SIAH2: variants seen among roughly 807,000 people sequenced by gnomAD.
SIAH2 encodes the protein E3 ubiquitin-protein ligase SIAH2.
A neutral mutation model predicts 20.4 loss-of-function variants in SIAH2; 4 were observed. That is an observed-to-expected ratio of 0.20 (90% CI 0.10 to 0.45). SIAH2 has a LOEUF of 0.45. SIAH2 is among the 20% of genes least tolerant of loss of function. The probability of loss-of-function intolerance (pLI) is 0.99; values close to 1 mark genes in which losing one functional copy is unlikely to be tolerated. For missense variants in SIAH2, 259 were observed against 440.3 expected, an observed-to-expected ratio of 0.59 and a Z score of 3.69; for synonymous variants, 171 against 192.5, an observed-to-expected ratio of 0.89 and a Z score of 0.93.
chr3:150,760,155 C>T (rs1332708102), intron 1 of SIAH2, among the ~76,000 whole-genome samples: 2 of 152,194 alleles, frequency 1.3e-5, no homozygotes, highest in South Asian at 2.1e-4. Flanking sequence ...CCTATGTATA[C>T]ATTCAAGTTT....
At chr3:150,749,341 A>C (rs1002067421) in intron 1 of SIAH2, among the ~76,000 whole-genome samples, 1 of 151,650 alleles carries the variant, frequency 6.6e-6, no homozygotes, top group Admixed American at 6.6e-5. Context: ...CTCTATAAAA[A>C]GTTAAAAAAA....
rs1214338410 is a variant in SIAH2 at position 150,762,496 on chromosome 3, C to T, written c.354G>A (p.Leu118=). ...TAGCCAGGTTCCTGATGCTGGGCGTCAGGGCGCCCCTGCACGTCGGGCAGC... is the reference window on the plus strand; with the variant it reads ...TAGCCAGGTTCCTGATGCTGGGCGTTAGGGCGCCCCTGCACGTCGGGCAGC... ...LSCCPTCRGA[L]TPSIRNLAME... Residue 118 remains leucine (L), a synonymous_variant, in exon 1 of 2, where the codon CTG becomes CTA. Transcript: ENST00000312960. This position sits in a 1 kb window ranked among gnomAD's most constrained non-coding sequence, Gnocchi z 6.6. 3 of 1,613,626 alleles carry T rather than the reference C, an allele frequency of 1.9e-6. No individual in the cohort carries two copies. In the Admixed American group the frequency reaches 5.0e-5, roughly 27 times the overall value.
intron 1 of SIAH2, among the ~76,000 whole-genome samples, chr3:150,748,801 A>G (rs1714285416): frequency 6.6e-6 from 1 of 152,228 alleles, no homozygotes. Flanking sequence ...AGTTGTAATG[A>G]TCACAGAATG....
At chr3:150,755,221 T>C (rs1714458576) in intron 1 of SIAH2, among the ~76,000 whole-genome samples, 1 of 151,318 alleles carries the variant, frequency 6.6e-6, no homozygotes, top group Admixed American at 6.6e-5. Flanking sequence ...ATCCTGGGGG[T>C]AAAAGGGACC....
At position 150,755,579 on chromosome 3, in the gene SIAH2, G is replaced by A. The variant is rs1031268208; in HGVS notation, c.417+6854C>T. On this transcript the variant is annotated intron_variant, in intron 1 of 1. Coordinates refer to ENST00000312960, the MANE Select transcript of SIAH2 (RefSeq NM_005067.7). ...TGCCCAGGCTGGAGTGCAATGGTGCGATCTCAGCTCACCACAACCTCCGCC... is the reference window on the plus strand; with the variant it reads ...TGCCCAGGCTGGAGTGCAATGGTGCAATCTCAGCTCACCACAACCTCCGCC... Among the ~76,000 whole-genome samples, 5 of 151,990 alleles carry A rather than the reference G, an allele frequency of 3.3e-5. No individual in the cohort carries two copies. The South Asian group carries it at 6.2e-4, about 19-fold the overall frequency.
intron 1 of SIAH2, among the ~76,000 whole-genome samples, chr3:150,748,149 A>G (rs1003640272): frequency 2.6e-4 from 40 of 152,110 alleles, no homozygotes; most frequent in Non-Finnish European, 5.9e-5. Flanking sequence ...CCTCATTCTT[A>G]GATCTTTGCA....
chr3:150,752,657 G>A (rs114852946), intron 1 of SIAH2, among the ~76,000 whole-genome samples: 1 of 152,140 alleles, frequency 6.6e-6, no homozygotes, highest in East Asian at 1.9e-4. Context: ...ATGTCTCTCA[G>A]GCAATGTTTG....
intron 1 of SIAH2, among the ~76,000 whole-genome samples, chr3:150,760,747 C>T (rs1226542194): frequency 6.6e-6 from 1 of 152,196 alleles, no homozygotes; most frequent in Non-Finnish European, 1.5e-5. Context: ...GAAAATGGCT[C>T]CCCAGAAATC....
At chr3:150,752,627 T>A (rs1020070241) in intron 1 of SIAH2, among the ~76,000 whole-genome samples, 2 of 151,830 alleles carry the variant, frequency 1.3e-5, no homozygotes, top group Admixed American at 6.6e-5. Context: ...AAAAAAAAAA[T>A]TATCAAATAA....
intron 1 of SIAH2, among the ~76,000 whole-genome samples, chr3:150,752,581 C>T (rs1714395180): frequency 1.3e-5 from 2 of 152,022 alleles, no homozygotes; most frequent in South Asian, 2.1e-4. Flanking sequence ...TGCACTCCAG[C>T]CTGGGCGACA....
rs1238380241 is a variant in SIAH2, at chr3:150,762,989, C to G, written c.-140G>C. ...CCCAGGTCCGGGCGGCGGAGACGCT[C>G]GGCGCCCGGCAGGCGGAGGGCTGGA... On this transcript the variant is annotated 5_prime_UTR_variant, in exon 1 of 2. Transcript: ENST00000312960. This position sits in a 1 kb window ranked among gnomAD's most constrained non-coding sequence, Gnocchi z 6.6. 1 of 979,070 alleles carries G rather than the reference C, an allele frequency of 1.0e-6. No homozygotes were observed. Among genetic ancestry groups the G allele is most frequent in the African/African-American group, 1.8e-5 (1 of 57,122 alleles). 60.6% of individuals were successfully genotyped at this position (979,070 alleles called of 1,614,324 possible). A position where few individuals can be genotyped will look rare whatever the true frequency, so the allele number is the denominator to read the frequency against.
Position 150,762,391 on chromosome 3 carries a change from T to C in SIAH2, c.417+42A>G, listed in dbSNP as rs762394122. ...GTGGGCTGGCGGATACCGGAGTCCC[T>C]GAGGTCACCGGCGGAGGTACGTGGG... On this transcript the variant is annotated intron_variant, in intron 1 of 1. Coordinates refer to ENST00000312960, the MANE Select transcript of SIAH2 (RefSeq NM_005067.7). The surrounding 1 kb of genome is among the most constrained non-coding windows in gnomAD (Gnocchi z 6.6). 1 of 1,582,886 alleles carries C rather than the reference T, an allele frequency of 6.3e-7. No individual in the cohort carries two copies. Among genetic ancestry groups the C allele is most frequent in the South Asian group, 1.1e-5 (1 of 87,874 alleles).
At chr3:150,745,641 G>A (rs1242006359) in intron 1 of SIAH2, among the ~76,000 whole-genome samples, 1 of 152,070 alleles carries the variant, frequency 6.6e-6, no homozygotes, top group African/African-American at 2.4e-5. Flanking sequence ...GACTACAGGT[G>A]CCTGCCACCA....
In SIAH2 at chr3:150,747,530, TATAA is replaced by T. The variant is rs1714245080; in HGVS notation, c.418-4836_418-4833del. On this transcript the variant is annotated intron_variant, in intron 1 of 1. Transcript: ENST00000312960. ...GTGTCTCCTGGGACAAGCCCACAGC[TATAA>T]ATGAGATTTCTCCTTAGGGAAATAT... is the stretch of plus-strand genomic sequence containing the variant. Among the ~76,000 whole-genome samples the T allele has an allele frequency of 2.6e-5, 4 of 152,364 alleles. No individual in the cohort carries two copies. In the South Asian group the frequency reaches 8.3e-4, roughly 32 times the overall value.
rs1392607641 is a variant in SIAH2 at position 150,742,144 on chromosome 3, T to C, written c.972A>G (p.Pro324=). 1.2e-6 allele frequency: 2 copies of C among 1,606,252 alleles called. No individual in the cohort carries two copies. The highest frequency in any genetic ancestry group is 1.3e-5 in the African/African-American group (1 of 74,802). Residue 324 remains proline, a synonymous_variant, in exon 2 of 2, where the codon CCA becomes CCG. Transcript: ENST00000312960. The surrounding 1 kb of genome is among the most constrained non-coding windows in gnomAD (Gnocchi z 4.8). ...TTGAAGGTTTACGAAAGTCACATCA[T>C]GGACAACATGTAGAAATAGTAACAT... The part of the protein sequence containing the change: ...GINVTISTCC[P]
intron 1 of SIAH2, among the ~76,000 whole-genome samples, chr3:150,760,846 G>A (rs1459270944): frequency 6.6e-6 from 1 of 152,154 alleles, no homozygotes; most frequent in African/African-American, 2.4e-5. Flanking sequence ...CCAACCACTA[G>A]GTTGTCACCT....
At chr3:150,747,707 G>A (rs1352436375) in intron 1 of SIAH2, among the ~76,000 whole-genome samples, 2 of 152,086 alleles carry the variant, frequency 1.3e-5, no homozygotes, top group African/African-American at 2.4e-5. Context: ...TTGGGAGGTT[G>A]AGTCGGGTGG....
At chr3:150,760,773 C>G (rs538865881) in intron 1 of SIAH2, among the ~76,000 whole-genome samples, 1 of 152,234 alleles carries the variant, frequency 6.6e-6, no homozygotes, top group South Asian at 2.1e-4. Flanking sequence ...GGGCATCCCC[C>G]ACCCCTGCAA....
At position 150,763,157 on chromosome 3, in the gene SIAH2, C is replaced by T. The variant is rs1714668920; in HGVS notation, c.-308G>A. On this transcript the variant is annotated 5_prime_UTR_variant, in exon 1 of 2. Transcript: ENST00000312960. The surrounding 1 kb of genome is among the most constrained non-coding windows in gnomAD (Gnocchi z 4.1). ...CTGGCCCACCCGCTTCTGGAACAGC[C>T]GCTGACGCAAGCCCCGGGGGCGCGC... The T allele has an allele frequency of 6.5e-6, 1 of 154,504 alleles. No homozygotes were observed. The highest frequency in any genetic ancestry group is 2.0e-4 in the South Asian group (1 of 4,884). 9.6% of individuals were successfully genotyped at this position (154,504 alleles called of 1,614,324 possible). A position where few individuals can be genotyped will look rare whatever the true frequency, so the allele number is the denominator to read the frequency against.
Sources: allele counts gnomAD v4.1 joint callset (sites outside exome capture counted in the v4.1 genomes callset), GRCh38; gene constraint gnomAD v4.1.1; non-coding constraint Gnocchi (gnomAD v3.1); transcripts MANE v1.5; gene names NCBI Gene and HGNC (gene_info 2026-07-23, HGNC 2026-07-21).